FIBCD1: variants seen among roughly 807,000 people sequenced by gnomAD.
The protein encoded by FIBCD1 is fibrinogen C domain-containing protein 1.
A neutral mutation model predicts 45.1 loss-of-function variants in FIBCD1; 47 were observed. The ratio of observed to expected loss-of-function variants is 1.04; its 90% CI spans 0.82 to 1.33. The LOEUF (loss-of-function observed/expected upper bound fraction) is 1.33. Ranked by LOEUF, FIBCD1 falls within the 40% of genes most tolerant of loss-of-function variation. The probability of loss-of-function intolerance (pLI) is 0.00; values close to 1 mark genes in which losing one functional copy is unlikely to be tolerated. For missense variants in FIBCD1, 653 were observed against 682.2 expected (o/e 0.96, Z 0.48); for synonymous variants, 313 against 308.1 (o/e 1.02, Z -0.17).
At chr9:130,924,801 G>A (rs1271694508) in intron 2 of FIBCD1, among the ~76,000 whole-genome samples, 1 of 152,214 alleles carries the variant, frequency 6.6e-6, no homozygotes, top group Non-Finnish European at 1.5e-5. Context: ...ACGTCCACTT[G>A]CCGGTTATAT....
intron 4 of FIBCD1, 54 bp from the exon 5 acceptor site, chr9:130,911,942 AGCCCACCTGGGCCCACCCC>A: frequency 6.7e-7 from 1 of 1,498,902 alleles, no homozygotes; most frequent in Non-Finnish European, 9.1e-7. Flanking sequence ...CAGGACTCGC[AGCCCACCTGGGCCCACCCC>A]GCCCAGAGAC....
At position 130,922,379 on chromosome 9, in the gene FIBCD1, C is replaced by T. The variant is rs147116953; in HGVS notation, c.849+1365G>A. Among the ~76,000 whole-genome samples the T allele has an allele frequency of 1.0e-3, 156 of 152,278 alleles. No individual in the cohort carries two copies. The highest frequency in any genetic ancestry group is 3.3e-3 in the African/African-American group (139 of 41,546). On this transcript the variant is annotated intron_variant, in intron 4 of 6. Transcript: ENST00000372338. The surrounding 1 kb of genome is among the most constrained non-coding windows in gnomAD (Gnocchi z 4.5). Reference sequence around the variant, plus strand: ...CACTTCTTCTCAGCTGAGCCCCCCACTTTCTTGTGCTTGCAGTTAAGAGGT... The same window carrying T: ...CACTTCTTCTCAGCTGAGCCCCCCATTTTCTTGTGCTTGCAGTTAAGAGGT...
intron 1 of FIBCD1, chr9:130,930,855 G>C (rs541197434): frequency 6.4e-5 from 29 of 455,326 alleles, no homozygotes; most frequent in South Asian, 4.5e-4. Context: ...AGAGAGAGCT[G>C]TGATGCAACA....
intron 5 of FIBCD1, 123 bp downstream of exon 5, chr9:130,911,669 T>C: frequency 1.3e-6 from 1 of 767,790 alleles, no homozygotes; most frequent in Non-Finnish European, 2.2e-6. Flanking sequence ...GTGAGCTGGC[T>C]CAGGTGTGCC....
At chr9:130,935,052 T>C (rs1832498898) in intron 1 of FIBCD1, among the ~76,000 whole-genome samples, 1 of 152,136 alleles carries the variant, frequency 6.6e-6, no homozygotes, top group Non-Finnish European at 1.5e-5. Context: ...ACAGACTGTA[T>C]CCACCAGACT....
At chr9:130,938,335 G>A in intron 1 of FIBCD1, 2 of 451,150 alleles carry the variant, frequency 4.4e-6, no homozygotes, top group Non-Finnish European at 3.9e-6. Context: ...CTCCTGCAGG[G>A]GTGCCGCCCC....
chr9:130,923,823 A>G lies in FIBCD1; in HGVS notation c.770T>C (p.Val257Ala), dbSNP rs1470272048. 6.2e-7 allele frequency: 1 copy of G among 1,612,766 alleles called. No homozygotes were observed. Among genetic ancestry groups the G allele is most frequent in the East Asian group, 2.2e-5 (1 of 44,862 alleles). Residue 257 changes from valine (V) to alanine (A), a missense_variant, in exon 4 of 7, where the codon GTC becomes GCC. Val to Ala is a moderately conservative substitution (Grantham distance 64). Coordinates refer to ENST00000372338, the MANE Select transcript of FIBCD1 (RefSeq NM_032843.5). The stretch of plus-strand genomic sequence containing the variant: ...GTAGTGGGTGGGAAAGACAGAGTAG[A>G]CGCCATCGTCCTGCTGTCCGCTTAG... ...VLLSGQQDDGVYSVFPTHYPA... is the reference protein window; with the variant it reads ...VLLSGQQDDGAYSVFPTHYPA...
chr9:130,904,353 C>CG, intron 6 of FIBCD1, 30 bp from the exon 7 acceptor site: 6 of 1,571,028 alleles, frequency 3.8e-6, no homozygotes, highest in Non-Finnish European at 1.7e-6. Flanking sequence ...GGTGTGGGCA[C>CG]GGGGGGCACG....
chr9:130,908,634 C>CAT (rs1831978911), intron 5 of FIBCD1, among the ~76,000 whole-genome samples: 1 of 152,048 alleles, frequency 6.6e-6, no homozygotes, highest in African/African-American at 2.4e-5. Flanking sequence ...TCAACTTCCT[C>CAT]ATCTCTAAAA....
At chr9:130,919,627 G>T (rs1465873365) in intron 4 of FIBCD1, among the ~76,000 whole-genome samples, 1 of 152,208 alleles carries the variant, frequency 6.6e-6, no homozygotes, top group Non-Finnish European at 1.5e-5. Context: ...GCTCAGGTGG[G>T]GGGATGTGGG....
intron 4 of FIBCD1, among the ~76,000 whole-genome samples, chr9:130,915,092 C>A (rs1832135249): frequency 6.6e-6 from 1 of 152,246 alleles, no homozygotes; most frequent in African/African-American, 2.4e-5. Flanking sequence ...TGTCCTGACA[C>A]CATGTCCACA....
chr9:130,932,502 T>C (rs1229400048), intron 1 of FIBCD1, among the ~76,000 whole-genome samples: 1 of 152,162 alleles, frequency 6.6e-6, no homozygotes, highest in East Asian at 1.9e-4. Context: ...ACAGTTCCCC[T>C]CCACCAGCTC....
intron 4 of FIBCD1, among the ~76,000 whole-genome samples, chr9:130,917,077 A>G (rs1394122977): frequency 4.6e-5 from 7 of 152,116 alleles, no homozygotes; most frequent in Non-Finnish European, 7.4e-5. Context: ...CAGCCTGGGC[A>G]ACAGAGTGAG....
intron 1 of FIBCD1, chr9:130,930,693 C>T: frequency 6.6e-6 from 3 of 452,776 alleles, no homozygotes; most frequent in Non-Finnish European, 8.9e-6. Flanking sequence ...GTGGAGATCC[C>T]ACCTCTGCAG....
chr9:130,919,683 G>A (rs1055764211), intron 4 of FIBCD1, among the ~76,000 whole-genome samples: 1 of 152,228 alleles, frequency 6.6e-6, no homozygotes, highest in Non-Finnish European at 1.5e-5. Flanking sequence ...TGAACTGGCT[G>A]ACCTCGCACA....
At chr9:130,930,906 G>A (rs1371809261) in intron 1 of FIBCD1, 4 of 441,812 alleles carry the variant, frequency 9.1e-6, no homozygotes, top group Admixed American at 2.4e-5. Context: ...CTCTGGGAAC[G>A]AGTGCCCTGG....
At chr9:130,904,557 C>A (rs184716163) in intron 6 of FIBCD1, among the ~76,000 whole-genome samples, 52 of 152,154 alleles carry the variant, frequency 3.4e-4, no homozygotes, top group Admixed American at 2.4e-3. Flanking sequence ...GTGCCTGGGG[C>A]TGCCCCTGGG....
Position 130,907,760 on chromosome 9 carries a change from G to A in FIBCD1, c.947-2347C>T, listed in dbSNP as rs568404817. Among the ~76,000 whole-genome samples the A allele has an allele frequency of 2.6e-5, 4 of 152,128 alleles. No individual in the cohort carries two copies. The South Asian group carries it at 8.3e-4, about 32-fold the overall frequency. ...CTGAAAATACAAAAATTAGCCGGGC[G>A]TGGTGGCGGGCGCCTGTAATCCCAG... On this transcript the variant is annotated intron_variant, in intron 5 of 6. Coordinates refer to ENST00000372338, the MANE Select transcript of FIBCD1 (RefSeq NM_032843.5).
chr9:130,924,360 C>T lies in FIBCD1; in HGVS notation c.589G>A (p.Val197Met), dbSNP rs370732665. 6 of 1,609,732 alleles carry T rather than the reference C, an allele frequency of 3.7e-6. No homozygotes were observed. Among genetic ancestry groups the T allele is most frequent in the Non-Finnish European group, 5.1e-6 (6 of 1,179,146 alleles). Residue 197 changes from valine to methionine, a missense_variant, in exon 3 of 7, where the codon GTG becomes ATG. By Grantham distance (21) the Val-to-Met change is conservative. Coordinates refer to ENST00000372338, the MANE Select transcript of FIBCD1 (RefSeq NM_032843.5). Reference protein sequence around the residue: ...SESQGHMAHLVNSVSDILDAL... With the variant: ...SESQGHMAHLMNSVSDILDAL... ...TCCAGGATGTCGCTGACGGAGTTCA[C>T]CAGGTGAGCCATGTGGCCCTGGCTC... is the stretch of plus-strand genomic sequence containing the variant.
Sources: allele counts gnomAD v4.1 joint callset (sites outside exome capture counted in the v4.1 genomes callset), GRCh38; gene constraint gnomAD v4.1.1; non-coding constraint Gnocchi (gnomAD v3.1); transcripts MANE v1.5; gene names NCBI Gene and HGNC (gene_info 2026-07-23, HGNC 2026-07-21).